Variants in PTPRO observed in about 807,000 individuals in gnomAD.
PTPRO encodes receptor-type tyrosine-protein phosphatase O.
A neutral mutation model predicts 145.2 loss-of-function variants in PTPRO; 62 were observed. The ratio of observed to expected loss-of-function variants is 0.43; its 90% CI spans 0.35 to 0.53. The LOEUF (loss-of-function observed/expected upper bound fraction) is 0.53. PTPRO is among the 20% of genes least tolerant of loss of function. The probability of loss-of-function intolerance (pLI) is 0.01; values close to 1 mark genes in which losing one functional copy is unlikely to be tolerated. For missense variants in PTPRO, 1,345 were observed against 1,482.7 expected (o/e 0.91, Z 1.53); for synonymous variants, 565 against 514.7 (o/e 1.10, Z -1.32).
intron 1 of PTPRO, among the ~76,000 whole-genome samples, chr12:15,437,991 TAC>T (rs1186305926): frequency 1.3e-5 from 2 of 152,166 alleles, no homozygotes; most frequent in Non-Finnish European, 1.5e-5. Context: ...CACTTCTAAA[TAC>T]AGATACCAGC....
chr12:15,550,638 C>A (rs11056554), intron 14 of PTPRO, among the ~76,000 whole-genome samples: 47,534 of 152,004 alleles, frequency 0.31, 7,474 homozygotes, highest in Middle Eastern at 0.43. Context: ...TCTGATCATG[C>A]GTCCATTGTT....
intron 1 of PTPRO, among the ~76,000 whole-genome samples, chr12:15,411,350 T>A (rs1939792889): frequency 6.6e-6 from 1 of 152,164 alleles, no homozygotes; most frequent in Non-Finnish European, 1.5e-5. Flanking sequence ...AAATAGGGAG[T>A]TACATGCAGT....
chr12:15,415,455 G>A (rs1469328892), intron 1 of PTPRO, among the ~76,000 whole-genome samples: 1 of 151,158 alleles, frequency 6.6e-6, no homozygotes, highest in African/African-American at 2.4e-5. Flanking sequence ...TGCAGTCTTG[G>A]CTCACTGCAA....
At chr12:15,588,761 G>A (rs1944482736) in intron 24 of PTPRO, among the ~76,000 whole-genome samples, 1 of 152,176 alleles carries the variant, frequency 6.6e-6, no homozygotes, top group Non-Finnish European at 1.5e-5. Context: ...TAACTCTGAT[G>A]CTGTTCAAAA....
chr12:15,456,590 A>G (rs777161267), intron 1 of PTPRO, among the ~76,000 whole-genome samples: 15 of 152,162 alleles, frequency 9.9e-5, no homozygotes, highest in Non-Finnish European at 1.8e-4. Flanking sequence ...AGGAGTCACC[A>G]TTTGACTTTT....
At chr12:15,511,629 G>A (rs965814763) in intron 7 of PTPRO, among the ~76,000 whole-genome samples, 11 of 152,304 alleles carry the variant, frequency 7.2e-5, no homozygotes, top group Middle Eastern at 3.4e-3. Context: ...GCAAAGTCAT[G>A]ATCTTGGCTC....
intron 19 of PTPRO, among the ~76,000 whole-genome samples, chr12:15,574,730 C>T (rs1464540586): frequency 1.3e-5 from 2 of 152,162 alleles, no homozygotes; most frequent in Non-Finnish European, 2.9e-5. Flanking sequence ...TTGTCACTCA[C>T]AACTAAAATA....
intron 1 of PTPRO, among the ~76,000 whole-genome samples, chr12:15,394,239 T>C (rs1030605060): frequency 6.6e-6 from 1 of 152,084 alleles, no homozygotes; most frequent in African/African-American, 2.4e-5. Flanking sequence ...AATATTAAAA[T>C]GATGAAAGTC....
At chr12:15,510,874 G>C (rs1047227534) in intron 7 of PTPRO, among the ~76,000 whole-genome samples, 26 of 151,898 alleles carry the variant, frequency 1.7e-4, no homozygotes, top group Non-Finnish European at 8.8e-5. Context: ...TATTATTTAA[G>C]AGTCCATCAT....
chr12:15,414,896 G>A (rs1377452485), intron 1 of PTPRO, among the ~76,000 whole-genome samples: 3 of 152,134 alleles, frequency 2.0e-5, no homozygotes, highest in African/African-American at 7.2e-5. Context: ...TCTTGATTTT[G>A]AATACTAAAT....
rs958766005 is a variant in PTPRO, at chr12:15,580,843, C to A, written c.3132+12C>A. The stretch of plus-strand genomic sequence containing the variant: ...ATGAGAAAAGGAGGGTACGTACTTA[C>A]TGAAACTGCTCCCACTTAGCAGCAA... On this transcript the variant is annotated intron_variant, in intron 22 of 26. Coordinates refer to ENST00000281171, the MANE Select transcript of PTPRO (RefSeq NM_030667.3). The A allele has an allele frequency of 6.2e-7, 1 of 1,613,718 alleles. No individual in the cohort carries two copies. Among genetic ancestry groups the A allele is most frequent in the African/African-American group, 1.3e-5 (1 of 74,928 alleles).
chr12:15,589,166 A>G (rs1024308300), intron 24 of PTPRO, among the ~76,000 whole-genome samples: 2 of 152,198 alleles, frequency 1.3e-5, no homozygotes, highest in Non-Finnish European at 2.9e-5. Context: ...ACCTGAGGTC[A>G]GAAGTTCAAG....
intron 1 of PTPRO, chr12:15,348,785 C>CA (rs545200802): frequency 0.35 from 46,201 of 131,958 alleles, 8,651 homozygotes; most frequent in Middle Eastern, 0.47. Flanking sequence ...GACTCCGTCT[C>CA]AAAAAAAAAA....
At chr12:15,392,874 G>T (rs1266625273) in intron 1 of PTPRO, among the ~76,000 whole-genome samples, 10 of 152,066 alleles carry the variant, frequency 6.6e-5, no homozygotes, top group Admixed American at 6.6e-4. Flanking sequence ...ACATCCACAG[G>T]ACAAATCTTA....
chr12:15,393,910 G>T (rs1303950050), intron 1 of PTPRO, among the ~76,000 whole-genome samples: 1 of 152,158 alleles, frequency 6.6e-6, no homozygotes, highest in Non-Finnish European at 1.5e-5. Context: ...GGGGGACTCT[G>T]CAGAGCCCAG....
chr12:15,541,960 A>G (rs1479748486), intron 12 of PTPRO, among the ~76,000 whole-genome samples: 3 of 152,100 alleles, frequency 2.0e-5, no homozygotes, highest in African/African-American at 7.2e-5. Context: ...GCAGTGAGCC[A>G]AGATCATGCC....
At chr12:15,533,791 G>A (rs1038848761) in intron 12 of PTPRO, among the ~76,000 whole-genome samples, 12 of 152,242 alleles carry the variant, frequency 7.9e-5, no homozygotes, top group African/African-American at 2.6e-4. Context: ...TTCAGAGCAT[G>A]TTTGAATCAG....
intron 2 of PTPRO, among the ~76,000 whole-genome samples, chr12:15,488,485 G>A (rs1248996669): frequency 6.6e-6 from 1 of 152,166 alleles, no homozygotes. Flanking sequence ...AGTTAATGAT[G>A]TGTTTTTGCC....
chr12:15,378,144 G>A (rs1185142843), intron 1 of PTPRO, among the ~76,000 whole-genome samples: 1 of 151,714 alleles, frequency 6.6e-6, no homozygotes, highest in Admixed American at 6.6e-5. Flanking sequence ...TATTTCAAAA[G>A]TTAGAGTAAA....
Sources: gnomAD v4.1 joint callset for allele counts (sites outside exome capture counted in the v4.1 genomes callset) on GRCh38, gnomAD v4.1.1 for gene constraint, MANE v1.5 for transcripts, NCBI Gene and HGNC (gene_info 2026-07-23, HGNC 2026-07-21) for gene names.